SOAT1: variants seen among roughly 807,000 people sequenced by gnomAD.
The protein encoded by SOAT1 is acyl-coenzyme A:cholesterol acyltransferase 1.
SOAT1 carries 55 observed loss-of-function variants against 69.5 expected under a neutral mutation model. The observed-to-expected ratio is 0.79, with a 90% CI of 0.64 to 0.99. The LOEUF (loss-of-function observed/expected upper bound fraction) is 0.99, where lower values mean the gene tolerates loss of function less well. Ranked by LOEUF, SOAT1 falls within the 50% of genes least tolerant of loss-of-function variation. The pLI is 0.00. For synonymous variants in SOAT1, 231 were observed against 224.7 expected, an observed-to-expected ratio of 1.03 and a Z score of -0.25; for missense variants, 580 against 669.3, an observed-to-expected ratio of 0.87 and a Z score of 1.47.
intron 2 of SOAT1, among the ~76,000 whole-genome samples, chr1:179,321,241 C>T (rs1478634939): frequency 6.6e-6 from 1 of 152,098 alleles, no homozygotes; most frequent in Non-Finnish European, 1.5e-5. Context: ...CTTTGTCATC[C>T]TTTGCAATCA....
At chr1:179,339,630 TA>T (rs1470339345) in intron 6 of SOAT1, 85 bp downstream of exon 6, 45 of 761,476 alleles carry the variant, frequency 5.9e-5, no homozygotes, top group South Asian at 5.6e-4. Flanking sequence ...GTAAATTGAT[TA>T]AATTGCTTCA....
At chr1:179,326,424 A>G (rs1474098403) in intron 3 of SOAT1, among the ~76,000 whole-genome samples, 3 of 152,176 alleles carry the variant, frequency 2.0e-5, no homozygotes, top group Non-Finnish European at 4.4e-5. Flanking sequence ...CATTGTTCTG[A>G]ATGAGTCATC....
chr1:179,335,727 G>C (rs1055271437), intron 4 of SOAT1, 70 bp downstream of exon 4: 4 of 1,426,380 alleles, frequency 2.8e-6, no homozygotes, highest in Admixed American at 4.3e-5. Flanking sequence ...AATGGACTGC[G>C]GCAAATATGC....
At chr1:179,323,045 CTTTTT>C (rs36045111) in intron 2 of SOAT1, among the ~76,000 whole-genome samples, 16 of 126,730 alleles carry the variant, frequency 1.3e-4, no homozygotes, top group Middle Eastern at 4.4e-3. Context: ...TCTTTTCTTT[CTTTTT>C]TTTTTTTTTT....
intron 6 of SOAT1, among the ~76,000 whole-genome samples, chr1:179,340,036 T>G (rs1425343158): frequency 1.3e-5 from 2 of 152,180 alleles, no homozygotes; most frequent in Non-Finnish European, 2.9e-5. Context: ...TTGCATAAGT[T>G]TTGGTGTCTG....
chr1:179,330,551 A>G (rs1665936358), intron 3 of SOAT1, among the ~76,000 whole-genome samples: 1 of 152,160 alleles, frequency 6.6e-6, no homozygotes, highest in Non-Finnish European at 1.5e-5. Flanking sequence ...TCAGTTCCCA[A>G]CAAGGAAGGG....
chr1:179,334,853 G>C (rs182855728), intron 3 of SOAT1, among the ~76,000 whole-genome samples: 9 of 151,580 alleles, frequency 5.9e-5, no homozygotes, highest in African/African-American at 1.5e-4. Context: ...CTGTCTCTAC[G>C]AAAAATACAA....
At position 179,337,913 on chromosome 1, in the gene SOAT1, GT is replaced by G; in HGVS notation, c.389+22del. 2 of 1,556,332 alleles carry G rather than the reference GT, an allele frequency of 1.3e-6. No individual in the cohort carries two copies. The highest frequency in any genetic ancestry group is 1.7e-6 in the Non-Finnish European group (2 of 1,143,170). On this transcript the variant is annotated intron_variant, in intron 5 of 15. Coordinates refer to ENST00000367619, the MANE Select transcript of SOAT1 (RefSeq NM_003101.6). ...TCTCTTAGAGTGAGTATTTTTAGTT[GT>G]TTTTAAATATGTTTGATTTTTAAAA...
intron 3 of SOAT1, among the ~76,000 whole-genome samples, chr1:179,333,283 G>A (rs775634844): frequency 1.3e-5 from 2 of 151,886 alleles, no homozygotes; most frequent in African/African-American, 2.4e-5. Context: ...CTATCCTGCC[G>A]AGCTTCATTT....
chr1:179,342,275 CTTT>C (rs1376924279), intron 8 of SOAT1, 83 bp downstream of exon 8: 6 of 664,020 alleles, frequency 9.0e-6, no homozygotes, highest in African/African-American at 8.1e-5. Context: ...CCCTTCCCTT[CTTT>C]CCTTCTTTCC....
intron 8 of SOAT1, 48 bp from the exon 9 acceptor site, chr1:179,342,814 G>C (rs377420377): frequency 2.9e-6 from 4 of 1,376,158 alleles, no homozygotes; most frequent in Non-Finnish European, 4.1e-6. Context: ...TATTTTTGCT[G>C]TGAAAAATCA....
At chr1:179,348,759 GATGTGTGTGTGTGTGTGTGTGTGT>G (rs759097473) in intron 12 of SOAT1, 61 bp from the exon 13 acceptor site, 16 of 637,540 alleles carry the variant, frequency 2.5e-5, no homozygotes, top group Admixed American at 1.7e-4. Context: ...TTTCGGGTGG[GATGTGTGTGTGTGTGTGTGTGTGT>G]GTGTGTGTGT....
intron 3 of SOAT1, among the ~76,000 whole-genome samples, chr1:179,327,118 A>G (rs1232976577): frequency 6.6e-6 from 1 of 152,152 alleles, no homozygotes; most frequent in Non-Finnish European, 1.5e-5. Flanking sequence ...AGAGATCTCT[A>G]ATTGGTCACA....
At chr1:179,305,941 G>C (rs546378723) in intron 2 of SOAT1, among the ~76,000 whole-genome samples, 1 of 152,184 alleles carries the variant, frequency 6.6e-6, no homozygotes, top group Admixed American at 6.5e-5. Flanking sequence ...AATAGAGACC[G>C]ATGGGGTTGG....
intron 2 of SOAT1, among the ~76,000 whole-genome samples, chr1:179,316,199 C>CTTCT (rs1250793746): frequency 6.6e-6 from 1 of 152,132 alleles, no homozygotes; most frequent in Non-Finnish European, 1.5e-5. Flanking sequence ...ATGACCTAGC[C>CTTCT]TTCTTCCCAG....
At chr1:179,334,955 C>T (rs191990549) in intron 3 of SOAT1, among the ~76,000 whole-genome samples, 7 of 131,644 alleles carry the variant, frequency 5.3e-5, no homozygotes, top group African/African-American at 1.7e-4. Flanking sequence ...GCGGAGGTTG[C>T]GGTGAGCCGA....
intron 5 of SOAT1, among the ~76,000 whole-genome samples, chr1:179,339,015 A>G (rs1339214732): frequency 1.3e-5 from 2 of 152,154 alleles, no homozygotes; most frequent in African/African-American, 4.8e-5. Flanking sequence ...CTTAAATACA[A>G]AAGTCAATGA....
intron 3 of SOAT1, among the ~76,000 whole-genome samples, chr1:179,327,452 T>A (rs1349972505): frequency 6.6e-6 from 1 of 152,200 alleles, no homozygotes; most frequent in Non-Finnish European, 1.5e-5. Flanking sequence ...GAAAACTTTT[T>A]CAGAATTCAC....
At chr1:179,307,754 T>C (rs1665056948) in intron 2 of SOAT1, among the ~76,000 whole-genome samples, 1 of 152,198 alleles carries the variant, frequency 6.6e-6, no homozygotes, top group Non-Finnish European at 1.5e-5. Context: ...ATGAAAGCAC[T>C]TTCTGCGTAT....
Sources: gnomAD v4.1 joint callset for allele counts (sites outside exome capture counted in the v4.1 genomes callset) on GRCh38, gnomAD v4.1.1 for gene constraint, MANE v1.5 for transcripts, NCBI Gene and HGNC (gene_info 2026-07-23, HGNC 2026-07-21) for gene names.